The following CLVS1 variants were observed in gnomAD, a reference collection of about 807,000 sequenced individuals.
CLVS1 encodes clavesin-1.
In CLVS1, 10 loss-of-function variants were observed where a neutral mutation model predicts 33.1. The observed-to-expected ratio is 0.30, with a 90% CI of 0.19 to 0.51. The LOEUF (loss-of-function observed/expected upper bound fraction) is 0.51. Ranked by LOEUF, CLVS1 falls within the 20% of genes least tolerant of loss-of-function variation. The pLI is 0.97. For missense variants in CLVS1, 343 were observed against 433.4 expected (o/e 0.79, Z 1.85); for synonymous variants, 163 against 166.1 (o/e 0.98, Z 0.14).
intron 3 of CLVS1, among the ~76,000 whole-genome samples, chr8:61,441,050 C>A (rs915815701): frequency 1.3e-5 from 2 of 152,174 alleles, no homozygotes; most frequent in African/African-American, 2.4e-5. Context: ...GACTGTCACA[C>A]GGTATAAGAG....
intron 2 of CLVS1, among the ~76,000 whole-genome samples, chr8:61,207,987 T>C (rs1430442138): frequency 6.6e-6 from 1 of 152,164 alleles, no homozygotes. Context: ...TTATTGCAGG[T>C]AGATAAAAGC....
chr8:61,110,097 C>T (rs535137574), intron 1 of CLVS1, among the ~76,000 whole-genome samples: 10 of 152,300 alleles, frequency 6.6e-5, no homozygotes, highest in South Asian at 4.2e-4. Flanking sequence ...TAATGGTGCA[C>T]GGTTGCCCCC....
At chr8:61,225,444 A>AATCATACT (rs1808306217) in intron 2 of CLVS1, among the ~76,000 whole-genome samples, 1 of 152,216 alleles carries the variant, frequency 6.6e-6, no homozygotes, top group Admixed American at 6.5e-5. Flanking sequence ...AAGCTTTAAA[A>AATCATACT]ATCATACTTT....
At chr8:61,021,336 G>A in the CLVS1 span, among the ~76,000 whole-genome samples, 5 of 151,852 alleles carry the variant, frequency 3.3e-5, no homozygotes, top group Admixed American at 3.3e-4. Context: ...AGATTTCCAC[G>A]GTTGTGTTTT....
intron 3 of CLVS1, among the ~76,000 whole-genome samples, chr8:61,384,779 A>T (rs1814017310): frequency 6.6e-6 from 1 of 152,190 alleles, no homozygotes; most frequent in Non-Finnish European, 1.5e-5. Context: ...GACCATTCAG[A>T]AAAAACCTAG....
intron 1 of CLVS1, among the ~76,000 whole-genome samples, chr8:61,130,269 A>AAATAAATAAATAAATG (rs1386882126): frequency 2.0e-5 from 3 of 150,580 alleles, no homozygotes; most frequent in Non-Finnish European, 3.0e-5. Context: ...ATAAATAAAT[A>AAATAAATAAATAAATG]AATAAATATA....
At chr8:61,444,686 C>T (rs1322227526) in intron 3 of CLVS1, among the ~76,000 whole-genome samples, 2 of 152,180 alleles carry the variant, frequency 1.3e-5, no homozygotes, top group African/African-American at 2.4e-5. Flanking sequence ...CGAGGTTAGT[C>T]AGGAGGCAGC....
At chr8:61,186,979 C>A (rs960696168) in intron 2 of CLVS1, among the ~76,000 whole-genome samples, 5 of 152,162 alleles carry the variant, frequency 3.3e-5, no homozygotes, top group Admixed American at 2.6e-4. Context: ...AGTTCAAGAC[C>A]AATCTTGGTT....
At chr8:61,430,196 A>AT (rs1389214916) in intron 3 of CLVS1, among the ~76,000 whole-genome samples, 2 of 152,210 alleles carry the variant, frequency 1.3e-5, no homozygotes, top group Non-Finnish European at 2.9e-5. Context: ...TGCAAAGTCT[A>AT]TATACCTATC....
intron 2 of CLVS1, among the ~76,000 whole-genome samples, chr8:61,162,424 C>A (rs989694450): frequency 6.6e-6 from 1 of 152,166 alleles, no homozygotes; most frequent in Non-Finnish European, 1.5e-5. Context: ...GATACCAAAA[C>A]CACTCTTGCT....
intron 3 of CLVS1, among the ~76,000 whole-genome samples, chr8:61,404,314 T>C (rs532805845): frequency 1.4e-4 from 21 of 152,318 alleles, no homozygotes; most frequent in Middle Eastern, 3.4e-3. Context: ...GTATGTTTCT[T>C]GAGGGCAAAG....
chr8:61,098,924 T>A (rs1008658988), intron 1 of CLVS1, among the ~76,000 whole-genome samples: 1 of 152,170 alleles, frequency 6.6e-6, no homozygotes, highest in African/African-American at 2.4e-5. Context: ...AAGCCTATGC[T>A]CTTTAAGGGG....
At chr8:61,444,753 G>T (rs2129606411) in intron 3 of CLVS1, among the ~76,000 whole-genome samples, 1 of 152,294 alleles carries the variant, frequency 6.6e-6, no homozygotes, top group African/African-American at 2.4e-5. Flanking sequence ...AGGAAAGAAT[G>T]GGTAAGGCTG....
chr8:61,389,819 A>G (rs1324737429), intron 3 of CLVS1, among the ~76,000 whole-genome samples: 1 of 152,126 alleles, frequency 6.6e-6, no homozygotes. Flanking sequence ...TAGCTATAAT[A>G]TGGTATAAAA....
intron 2 of CLVS1, among the ~76,000 whole-genome samples, chr8:61,169,892 G>GA (rs1297466702): frequency 5.3e-5 from 8 of 152,070 alleles, no homozygotes; most frequent in African/African-American, 1.4e-4. Context: ...AAAGGGGAAG[G>GA]AAAAATTATC....
chr8:61,454,038 C>G, intron 3 of CLVS1, 103 bp from the exon 4 acceptor site: 1 of 787,232 alleles, frequency 1.3e-6, no homozygotes, highest in Non-Finnish European at 2.3e-6. Flanking sequence ...AGAGCTTCTA[C>G]CAGGCAGGAA....
chr8:61,456,810 G>T (rs965408884), intron 4 of CLVS1, among the ~76,000 whole-genome samples: 2 of 151,502 alleles, frequency 1.3e-5, no homozygotes, highest in Non-Finnish European at 1.5e-5. Flanking sequence ...CCCAGCTACT[G>T]AGGAGGCTGA....
At chr8:61,061,714 C>A (rs1474964185) in intron 1 of CLVS1, among the ~76,000 whole-genome samples, 1 of 151,546 alleles carries the variant, frequency 6.6e-6, no homozygotes. Flanking sequence ...GAATGTGGAG[C>A]TCCTGTTTGG....
intron 3 of CLVS1, among the ~76,000 whole-genome samples, chr8:61,441,189 G>A (rs1017584127): frequency 6.6e-6 from 1 of 152,188 alleles, no homozygotes; most frequent in African/African-American, 2.4e-5. Context: ...GGTAGGGCAT[G>A]CATGAACTGA....
Sources: gnomAD v4.1 joint callset for allele counts (sites outside exome capture counted in the v4.1 genomes callset) on GRCh38, gnomAD v4.1.1 for gene constraint, MANE v1.5 for transcripts, NCBI Gene and HGNC (gene_info 2026-07-23, HGNC 2026-07-21) for gene names.